Variants in SBDS observed in about 807,000 individuals in gnomAD.
SBDS encodes the protein ribosome maturation protein SBDS.
Under a neutral mutation model 26.4 loss-of-function variants are expected in SBDS, and 20 were observed. The observed-to-expected ratio is 0.76, with a 90% CI of 0.53 to 1.10. The LOEUF is 1.10. SBDS is among the 50% of genes least tolerant of loss of function. SBDS has a pLI of 0.00. For missense variants in SBDS, 241 were observed against 302.0 expected (o/e 0.80, Z 1.50); for synonymous variants, 95 against 105.1 (o/e 0.90, Z 0.59).
chr7:66,994,079 G>A, intron 2 of SBDS, 133 bp downstream of exon 2: 11 of 659,926 alleles, frequency 1.7e-5, no homozygotes, highest in East Asian at 3.4e-5. Context: ...TTTATTATTA[G>A]AAGTGACACT....
chr7:66,990,473 T>C (rs1226328339), intron 4 of SBDS, among the ~76,000 whole-genome samples: 3 of 152,232 alleles, frequency 2.0e-5, no homozygotes, highest in African/African-American at 7.2e-5. Flanking sequence ...AGCATGCAAT[T>C]GAGCTATCTC....
rs891263695 is a variant in SBDS at position 66,995,512 on chromosome 7, G to A, written c.-95C>T. 1.3e-6 allele frequency: 2 copies of A among 1,589,278 alleles called. No homozygotes were observed. The highest frequency in any genetic ancestry group is 1.7e-6 in the Non-Finnish European group (2 of 1,163,778). On this transcript the variant is annotated 5_prime_UTR_variant, in exon 1 of 5. Coordinates refer to ENST00000246868, the MANE Select transcript of SBDS (RefSeq NM_016038.4). ...AGCGCCTCGCGGTAACGACCGATCG[G>A]CGCGCGGCACTGACCCAACCACCAG... is the stretch of plus-strand genomic sequence containing the variant.
intron 4 of SBDS, among the ~76,000 whole-genome samples, chr7:66,989,468 C>A (rs1053349216): frequency 6.6e-6 from 1 of 151,902 alleles, no homozygotes; most frequent in African/African-American, 2.4e-5. Flanking sequence ...TCGCTTGAAC[C>A]CGGGAGGCAG....
intron 4 of SBDS, among the ~76,000 whole-genome samples, chr7:66,990,736 G>T (rs1327946627): frequency 6.6e-6 from 1 of 152,170 alleles, no homozygotes; most frequent in African/African-American, 2.4e-5. Context: ...AAAATATCTG[G>T]CTGGGCGCGG....
chr7:66,988,601 T>A, intron 4 of SBDS, 102 bp from the exon 5 acceptor site: 1 of 1,337,796 alleles, frequency 7.5e-7, no homozygotes, highest in South Asian at 1.2e-5. Flanking sequence ...TGTCCAGATC[T>A]CTAATAATAC....
Position 66,988,425 on chromosome 7 carries a change from A to C in SBDS, c.699T>G (p.Ser233=). 6.2e-7 allele frequency: 1 copy of C among 1,613,902 alleles called. No individual in the cohort carries two copies. Among genetic ancestry groups the C allele is most frequent in the Non-Finnish European group, 8.5e-7 (1 of 1,180,012 alleles). The part of the protein sequence containing the change: ...LIKKETKGKG[S]LEVLNLKDVE... ...CATCTTTCAGATTGAGTACTTCCAA[A>C]GAACCTTTGCCTTTAGTTTCCTTTT... The change falls in exon 5 of 5, where the codon TCT becomes TCG. Residue 233 remains serine (S), a synonymous_variant. Transcript: ENST00000246868.
At chr7:66,995,068 C>G in intron 1 of SBDS, 1 of 607,372 alleles carries the variant, frequency 1.6e-6, no homozygotes, top group Non-Finnish European at 2.9e-6. Context: ...CAAAACAAAA[C>G]CCCAAACCAA....
In SBDS at chr7:66,995,549, G is replaced by A; in HGVS notation, c.-132C>T. On this transcript the variant is annotated 5_prime_UTR_variant, in exon 1 of 5. Coordinates refer to ENST00000246868, the MANE Select transcript of SBDS (RefSeq NM_016038.4). Reference sequence around the variant, plus strand: ...GACCCAACCACCAGTGCGCGGCGCCGCGACTCACTAGCTTCAGGCAGCCGT... The same window carrying A: ...GACCCAACCACCAGTGCGCGGCGCCACGACTCACTAGCTTCAGGCAGCCGT... 1 of 1,335,210 alleles carries A rather than the reference G, an allele frequency of 7.5e-7. No individual in the cohort carries two copies. The highest frequency in any genetic ancestry group is 1.0e-6 in the Non-Finnish European group (1 of 954,302). The allele number at this position is 1,335,210 out of a possible 1,614,324, so 82.7% of individuals were successfully genotyped here. A position where few individuals can be genotyped will look rare whatever the true frequency, so the allele number is the denominator to read the frequency against.
chr7:66,994,152 A>G (rs755088500), intron 2 of SBDS, 60 bp downstream of exon 2: 2 of 1,565,074 alleles, frequency 1.3e-6, no homozygotes, highest in Middle Eastern at 1.7e-4. Context: ...AATGTTTAAT[A>G]TATCTACAAA....
rs774976459 is a variant in SBDS, at chr7:66,991,238, G to A, written c.523C>T (p.Arg175Trp). 9 of 1,613,812 alleles carry A rather than the reference G, an allele frequency of 5.6e-6. No individual in the cohort carries two copies. The highest frequency in any genetic ancestry group is 4.5e-5 in the East Asian group (2 of 44,884). ...MKIERAHMRL[R>W]FILPVNEGKK... ...CCTTCATTGACTGGAAGGATGAACC[G>A]AAGCCTCATGTGAGCACGTTCTATC... The change falls in exon 4 of 5, where the codon CGG becomes TGG. Residue 175 changes from arginine (R) to tryptophan (W), a missense_variant. Coordinates refer to ENST00000246868, the MANE Select transcript of SBDS (RefSeq NM_016038.4).
intron 4 of SBDS, among the ~76,000 whole-genome samples, chr7:66,990,324 C>T (rs1792949335): frequency 6.6e-6 from 1 of 152,106 alleles, no homozygotes; most frequent in South Asian, 2.1e-4. Context: ...AGCCAGGATT[C>T]AATCTTTTGG....
intron 3 of SBDS, among the ~76,000 whole-genome samples, chr7:66,991,522 G>A (rs1411586367): frequency 6.6e-6 from 1 of 152,144 alleles, no homozygotes; most frequent in Non-Finnish European, 1.5e-5. Flanking sequence ...GCCAGGTGTG[G>A]TGGCTCACGC....
At chr7:66,993,835 G>A (rs1793027180) in intron 2 of SBDS, among the ~76,000 whole-genome samples, 1 of 151,480 alleles carries the variant, frequency 6.6e-6, no homozygotes, top group African/African-American at 2.4e-5. Context: ...GTGCAGTGAA[G>A]TGCACTGCAC....
chr7:66,989,938 C>T (rs1292473443), intron 4 of SBDS, among the ~76,000 whole-genome samples: 6 of 152,070 alleles, frequency 3.9e-5, no homozygotes, highest in African/African-American at 1.2e-4. Flanking sequence ...TAACCAGACG[C>T]GACTATCCTG....
chr7:66,988,324 G>T lies in SBDS; in HGVS notation c.*47C>A. On this transcript the variant is annotated 3_prime_UTR_variant, in exon 5 of 5. Transcript: ENST00000246868. ...CCACAGACATGAAACAGTGCCGTCG[G>T]AAACGGAAACACTTTAGTGTTTTAG... The T allele has an allele frequency of 3.7e-6, 6 of 1,604,048 alleles. No homozygotes were observed. The highest frequency in any genetic ancestry group is 5.1e-6 in the Non-Finnish European group (6 of 1,175,572).
Position 66,993,410 on chromosome 7 carries a change from G to A in SBDS, c.266C>T (p.Thr89Ile), listed in dbSNP as rs767695678. The stretch of plus-strand genomic sequence containing the variant: ...ATCTGATACTTGAACTTCTCCTTTA[G>A]TCAAAATCTAAAAAAATGCCAACAC... ...DQTEICKQIL[T>I]KGEVQVSDKE... Residue 89 changes from threonine (T) to isoleucine (I), a missense_variant, in exon 3 of 5, where the codon ACT becomes ATT. Thr to Ile is a moderately conservative substitution (Grantham distance 89). Coordinates refer to ENST00000246868, the MANE Select transcript of SBDS (RefSeq NM_016038.4). The A allele has an allele frequency of 3.7e-6, 6 of 1,613,152 alleles. No individual in the cohort carries two copies. Among genetic ancestry groups the A allele is most frequent in the Non-Finnish European group, 5.1e-6 (6 of 1,179,532 alleles).
At position 66,989,316 on chromosome 7, in the gene SBDS, C is replaced by T. The variant is rs551736488; in HGVS notation, c.625-817G>A. Among the ~76,000 whole-genome samples the T allele has an allele frequency of 1.1e-4, 16 of 151,926 alleles. No individual in the cohort carries two copies. In the South Asian group the frequency reaches 1.2e-3, roughly 12 times the overall value. The stretch of plus-strand genomic sequence containing the variant: ...ATCCCAGCACTTTGGGAGGCCGAGG[C>T]GGGTGGATCACCTGAGGTCGGGAGT... On this transcript the variant is annotated intron_variant, in intron 4 of 4. Transcript: ENST00000246868.
chr7:66,993,847 C>G (rs1793027474), intron 2 of SBDS, among the ~76,000 whole-genome samples: 1 of 151,542 alleles, frequency 6.6e-6, no homozygotes. Context: ...GCACTGCACT[C>G]CAGCCTGGGC....
intron 4 of SBDS, among the ~76,000 whole-genome samples, chr7:66,989,685 T>C (rs943161392): frequency 4.2e-4 from 56 of 131,946 alleles, no homozygotes; most frequent in African/African-American, 1.4e-3. Flanking sequence ...TTCTTTAAAA[T>C]GTTCTGTGTT....
Sources: gnomAD v4.1 joint callset for allele counts (sites outside exome capture counted in the v4.1 genomes callset) on GRCh38, gnomAD v4.1.1 for gene constraint, MANE v1.5 for transcripts, NCBI Gene and HGNC (gene_info 2026-07-23, HGNC 2026-07-21) for gene names.